Variants in TRPM1 observed in about 807,000 individuals in gnomAD.
The protein encoded by TRPM1 is transient receptor potential cation channel subfamily M member 1.
A neutral mutation model predicts 149.4 loss-of-function variants in TRPM1; 113 were observed. That is an observed-to-expected ratio of 0.76 (90% CI 0.65 to 0.88). The LOEUF (loss-of-function observed/expected upper bound fraction) is 0.88, where lower values mean the gene tolerates loss of function less well. TRPM1 is among the 40% of genes least tolerant of loss of function. The pLI is 0.00. For synonymous variants in TRPM1, 741 were observed against 759.5 expected (o/e 0.98, Z 0.40); for missense variants, 1,976 against 2,038.7 (o/e 0.97, Z 0.59).
intron 1 of TRPM1, among the ~76,000 whole-genome samples, chr15:31,133,776 C>G (rs1596093727): frequency 1.3e-5 from 2 of 152,134 alleles, no homozygotes; most frequent in Non-Finnish European, 2.9e-5. Context: ...AGAGCTTCTC[C>G]AGACAAGATC....
chr15:31,002,276 T>G lies in TRPM1; in HGVS notation c.4424A>C (p.Asn1475Thr), dbSNP rs1161551592. The G allele has an allele frequency of 6.2e-7, 1 of 1,614,156 alleles. No homozygotes were observed. Among genetic ancestry groups the G allele is most frequent in the Non-Finnish European group, 8.5e-7 (1 of 1,180,064 alleles). ...SRGRKLVGGVNQDVEYSSITD... is the reference protein window; with the variant it reads ...SRGRKLVGGVTQDVEYSSITD... ...GATTGAACTGTACTCTACATCCTGG[T>G]TAACCCCACCGACCAGCTTTCTTCC... is the stretch of plus-strand genomic sequence containing the variant. The change falls in exon 28 of 28, where the codon AAC becomes ACC. Residue 1475 changes from asparagine (N) to threonine (T), a missense_variant. By Grantham distance (65) the Asn-to-Thr change is moderately conservative. Coordinates refer to ENST00000256552, the MANE Select transcript of TRPM1 (RefSeq NM_001252024.2).
chr15:31,076,633 C>T (rs2034700598), intron 3 of TRPM1, among the ~76,000 whole-genome samples: 1 of 152,182 alleles, frequency 6.6e-6, no homozygotes, highest in African/African-American at 2.4e-5. Flanking sequence ...GCCCTCAACT[C>T]CTTGATCTTG....
intron 24 of TRPM1, 33 bp downstream of exon 24, chr15:31,029,338 T>C (rs1167021134): frequency 4.4e-6 from 7 of 1,606,918 alleles, no homozygotes; most frequent in Non-Finnish European, 6.0e-6. Context: ...ACACATTCCA[T>C]AGACTAGAAT....
At chr15:31,159,428 G>C (rs943281282) in intron 1 of TRPM1, among the ~76,000 whole-genome samples, 2 of 152,194 alleles carry the variant, frequency 1.3e-5, no homozygotes, top group African/African-American at 4.8e-5. Context: ...GGAGCCACCT[G>C]GCCCGGGCTG....
At position 31,026,174 on chromosome 15, in the gene TRPM1, C is replaced by T. The variant is rs1342049277; in HGVS notation, c.3594G>A (p.Ser1198=). 6.2e-7 allele frequency: 1 copy of T among 1,612,286 alleles called. No individual in the cohort carries two copies. The highest frequency in any genetic ancestry group is 8.5e-7 in the Non-Finnish European group (1 of 1,180,034). ...HFREKEDEQQ[S]SSDERIRVTS... is the part of the protein sequence containing the mutation. The stretch of plus-strand genomic sequence containing the variant: ...TGACCCGGATGCGCTCGTCGCTGGA[C>T]GACTGCTGCTCATCCTCCTTCTCCC... The change falls in exon 27 of 28, where the codon TCG becomes TCA. Residue 1198 remains serine, a synonymous_variant. Transcript: ENST00000256552.
At chr15:31,005,546 A>T (rs1383540241) in intron 27 of TRPM1, among the ~76,000 whole-genome samples, 1 of 151,526 alleles carries the variant, frequency 6.6e-6, no homozygotes, top group East Asian at 1.9e-4. Context: ...TGCTCCCTTC[A>T]TTGAAGCTGT....
intron 1 of TRPM1, among the ~76,000 whole-genome samples, chr15:31,097,847 T>C (rs948239071): frequency 2.0e-5 from 3 of 152,038 alleles, no homozygotes; most frequent in African/African-American, 7.2e-5. Context: ...ATGCTGTGAG[T>C]GTGAGATGGC....
chr15:31,139,954 C>T (rs569927130), intron 1 of TRPM1, among the ~76,000 whole-genome samples: 34 of 152,212 alleles, frequency 2.2e-4, no homozygotes, highest in African/African-American at 7.5e-4. Flanking sequence ...TAGATATTCA[C>T]GAAACGTTTA....
At chr15:31,079,896 C>T (rs1014525179) in intron 2 of TRPM1, among the ~76,000 whole-genome samples, 1 of 152,138 alleles carries the variant, frequency 6.6e-6, no homozygotes, top group Non-Finnish European at 1.5e-5. Flanking sequence ...CCTGGAACAC[C>T]TTACTGTACC....
At chr15:31,108,068 G>A (rs1294722685) in intron 1 of TRPM1, among the ~76,000 whole-genome samples, 1 of 152,092 alleles carries the variant, frequency 6.6e-6, no homozygotes, top group Non-Finnish European at 1.5e-5. Flanking sequence ...ATATTGGCCA[G>A]GCTGGTCTCG....
At chr15:31,146,581 A>C (rs2036227483) in intron 1 of TRPM1, among the ~76,000 whole-genome samples, 1 of 152,252 alleles carries the variant, frequency 6.6e-6, no homozygotes, top group Non-Finnish European at 1.5e-5. Flanking sequence ...CATGATAATG[A>C]AGTTCCCCTT....
At chr15:31,026,828 T>C in intron 26 of TRPM1, 87 bp downstream of exon 26, 1 of 1,382,734 alleles carries the variant, frequency 7.2e-7, no homozygotes, top group South Asian at 1.2e-5. Flanking sequence ...CACGAGCAAG[T>C]AGTTGAGTGA....
rs144781745 is a variant in TRPM1, at chr15:31,083,163, A to G, written c.-83-1725T>C. 2.7e-3 allele frequency among the ~76,000 whole-genome samples: 413 copies of G among 152,286 alleles called. 2 individuals carry two copies. The highest frequency in any genetic ancestry group is 9.6e-3 in the African/African-American group (400 of 41,562). On this transcript the variant is annotated intron_variant, in intron 1 of 27. Transcript: ENST00000256552. ...CGAGGCTCTGTTTACTCAAAGCCCTATGTCTTGGGCCAAAATTAACAAGCA... is the reference window on the plus strand; with the variant it reads ...CGAGGCTCTGTTTACTCAAAGCCCTGTGTCTTGGGCCAAAATTAACAAGCA...
chr15:31,117,867 G>A (rs544760037), intron 1 of TRPM1, among the ~76,000 whole-genome samples: 4 of 152,114 alleles, frequency 2.6e-5, no homozygotes, highest in Non-Finnish European at 5.9e-5. Flanking sequence ...AATAATTAAT[G>A]AGTTTGAAGA....
intron 2 of TRPM1, among the ~76,000 whole-genome samples, chr15:31,079,029 T>G (rs1194861224): frequency 2.6e-5 from 4 of 152,170 alleles, no homozygotes; most frequent in Non-Finnish European, 5.9e-5. Context: ...GTTACAAATA[T>G]GGAAAGTGGG....
chr15:31,077,896 T>C (rs540037169), intron 2 of TRPM1, among the ~76,000 whole-genome samples: 1 of 151,904 alleles, frequency 6.6e-6, no homozygotes, highest in Non-Finnish European at 1.5e-5. Flanking sequence ...TGTGGTGTTA[T>C]GTGTGTGGTA....
rs1378688867 is a variant in TRPM1, at chr15:31,026,923, C to T, written c.3488G>A (p.Arg1163His). Residue 1163 changes from arginine to histidine, a missense_variant, in exon 26 of 28, where the codon CGT (arginine) becomes CAT (histidine). By Grantham distance (29) the Arg-to-His change is conservative (BLOSUM62 0). Coordinates refer to ENST00000256552, the MANE Select transcript of TRPM1 (RefSeq NM_001252024.2). Reference sequence around the variant, plus strand: ...AAGAGCCCTGCACATACTCAATCCACGATCCCGTTCCTCTTGGTCCCCTTC... The same window carrying T: ...AAGAGCCCTGCACATACTCAATCCATGATCCCGTTCCTCTTGGTCCCCTTC... The part of the protein sequence containing the change: ...KREGDQEERD[R>H]GLKLFLSDEE... 1.2e-6 allele frequency: 2 copies of T among 1,613,694 alleles called. No individual in the cohort carries two copies. The highest frequency in any genetic ancestry group is 2.2e-5 in the East Asian group (1 of 44,900).
chr15:31,157,672 T>C (rs1425456898), intron 1 of TRPM1, among the ~76,000 whole-genome samples: 1 of 152,096 alleles, frequency 6.6e-6, no homozygotes, highest in Non-Finnish European at 1.5e-5. Flanking sequence ...TGCTGAGGGA[T>C]GGAGCTCAAG....
chr15:31,044,095 T>C (rs2033696742), intron 16 of TRPM1, among the ~76,000 whole-genome samples: 1 of 152,198 alleles, frequency 6.6e-6, no homozygotes, highest in East Asian at 1.9e-4. Flanking sequence ...AACAAAAGTC[T>C]GTATCTGGGA....
Sources: gnomAD v4.1 joint callset for allele counts (sites outside exome capture counted in the v4.1 genomes callset) on GRCh38, gnomAD v4.1.1 for gene constraint, MANE v1.5 for transcripts, NCBI Gene and HGNC (gene_info 2026-07-23, HGNC 2026-07-21) for gene names.